Variants in YEATS2 observed in about 807,000 individuals in gnomAD.
YEATS2 encodes YEATS domain containing 2, also known as YEATS domain-containing protein 2.
YEATS2 carries 77 observed loss-of-function variants against 163.2 expected under a neutral mutation model. The observed-to-expected ratio is 0.47, with a 90% CI of 0.39 to 0.57. The LOEUF (loss-of-function observed/expected upper bound fraction) is 0.57, where lower values mean the gene tolerates loss of function less well. Ranked by LOEUF, YEATS2 falls within the 20% of genes least tolerant of loss-of-function variation. The pLI is 0.00. For missense variants in YEATS2, 1,549 were observed against 1,729.8 expected, an observed-to-expected ratio of 0.90 and a Z score of 1.85; for synonymous variants, 631 against 645.1, an observed-to-expected ratio of 0.98 and a Z score of 0.33.
At chr3:183,707,402 C>G (rs956391927) in intron 1 of YEATS2, among the ~76,000 whole-genome samples, 2 of 152,122 alleles carry the variant, frequency 1.3e-5, no homozygotes, top group African/African-American at 2.4e-5. Flanking sequence ...ATCAAGAGTT[C>G]ATTGAGTATA....
Position 183,751,952 on chromosome 3 carries a change from C to T in YEATS2, c.970-121C>T, listed in dbSNP as rs762355097. ...CCTTTAGTTCTTCAGATTGAAATTG[C>T]CTTTGAAGTGTGATTAGAAGTTATC... is the stretch of plus-strand genomic sequence containing the variant. On this transcript the variant is annotated intron_variant, in intron 9 of 30. Transcript: ENST00000305135. The T allele has an allele frequency of 5.7e-4, 607 of 1,071,194 alleles. 1 individual carries two copies. Among genetic ancestry groups the T allele is most frequent in the Non-Finnish European group, 7.8e-4 (568 of 726,624 alleles). The allele number at this position is 1,071,194 out of a possible 1,614,324, so 66.4% of individuals were successfully genotyped here.
chr3:183,804,888 C>T (rs928581373), intron 27 of YEATS2, among the ~76,000 whole-genome samples: 9 of 151,966 alleles, frequency 5.9e-5, no homozygotes, highest in African/African-American at 2.2e-4. Flanking sequence ...ACTTGGGAGG[C>T]TGAGGCAGGA....
chr3:183,781,590 A>T (rs1350083615), intron 19 of YEATS2, among the ~76,000 whole-genome samples: 2 of 152,154 alleles, frequency 1.3e-5, no homozygotes, highest in Non-Finnish European at 2.9e-5. Context: ...TGATATTAAA[A>T]CCTATGGAAA....
At chr3:183,730,776 A>G (rs1435298738) in intron 7 of YEATS2, among the ~76,000 whole-genome samples, 1 of 152,194 alleles carries the variant, frequency 6.6e-6, no homozygotes, top group East Asian at 1.9e-4. Flanking sequence ...CTTAACATCC[A>G]TATAGACAGT....
chr3:183,713,896 C>T lies in YEATS2; in HGVS notation c.-19-1248C>T, dbSNP rs568834452. ...TCTCGGCTCACTGCAACCGCTGCCTCCCGGGTTCAAGCAATTCTCCTGCCT... is the reference window on the plus strand; with the variant it reads ...TCTCGGCTCACTGCAACCGCTGCCTTCCGGGTTCAAGCAATTCTCCTGCCT... On this transcript the variant is annotated intron_variant, in intron 1 of 30. Coordinates refer to ENST00000305135, the MANE Select transcript of YEATS2 (RefSeq NM_018023.5). 2.2e-3 allele frequency among the ~76,000 whole-genome samples: 330 copies of T among 152,208 alleles called. 1 individual carries two copies. Among genetic ancestry groups the T allele is most frequent in the Admixed American group, 5.9e-3 (90 of 15,304 alleles).
chr3:183,793,239 A>ATGT, intron 21 of YEATS2: 1 of 1,219,016 alleles, frequency 8.2e-7, no homozygotes, highest in African/African-American at 1.6e-5. Context: ...GAGGCTGTGG[A>ATGT]TGTTGTTGTT....
chr3:183,716,665 CAAG>C (rs1422490615), intron 2 of YEATS2, among the ~76,000 whole-genome samples: 1 of 152,014 alleles, frequency 6.6e-6, no homozygotes, highest in Non-Finnish European at 1.5e-5. Context: ...AAAATAAAAA[CAAG>C]AACAGGGAAA....
Position 183,752,264 on chromosome 3 carries a change from A to T in YEATS2, c.1150+11A>T. The T allele has an allele frequency of 1.2e-6, 2 of 1,614,082 alleles. No individual in the cohort carries two copies. Among genetic ancestry groups the T allele is most frequent in the Non-Finnish European group, 1.7e-6 (2 of 1,179,962 alleles). On this transcript the variant is annotated intron_variant, in intron 10 of 30. Transcript: ENST00000305135. ...CCTCTGTGGAGAAAGGTAATACAGC[A>T]GTTTTCCTTGCATAGCGTTGTTCTG...
At chr3:183,724,856 G>A (rs969033965) in intron 6 of YEATS2, among the ~76,000 whole-genome samples, 22 of 152,090 alleles carry the variant, frequency 1.4e-4, no homozygotes, top group Admixed American at 1.4e-3. Context: ...CGATTCTCCT[G>A]CCTTAGCCTA....
intron 5 of YEATS2, 32 bp downstream of exon 5, chr3:183,722,168 A>G (rs754273108): frequency 1.1e-5 from 17 of 1,582,848 alleles, no homozygotes; most frequent in Non-Finnish European, 1.5e-5. Context: ...GGAGGGAGCC[A>G]CAGGAGAAGG....
rs953591878 is a variant in YEATS2 at position 183,724,370 on chromosome 3, T to C, written c.538-49T>C. 10 of 1,407,178 alleles carry C rather than the reference T, an allele frequency of 7.1e-6. No homozygotes were observed. The African/African-American group carries it at 1.2e-4, about 16-fold the overall frequency. The allele number at this position is 1,407,178 out of a possible 1,614,324, so 87.2% of individuals were successfully genotyped here. Reference sequence around the variant, plus strand: ...TTACAATTTTGTGGTTTCTGTCCTATTGAAAGTTGTTCAAAATGAGAATGG... The same window carrying C: ...TTACAATTTTGTGGTTTCTGTCCTACTGAAAGTTGTTCAAAATGAGAATGG... On this transcript the variant is annotated intron_variant, in intron 5 of 30. Transcript: ENST00000305135.
intron 8 of YEATS2, among the ~76,000 whole-genome samples, chr3:183,739,507 A>G (rs1404089056): frequency 3.4e-5 from 2 of 58,774 alleles, no homozygotes; most frequent in Non-Finnish European, 6.9e-5. Context: ...GGAAGAATCA[A>G]TATCGTGAAA....
In YEATS2 at chr3:183,721,961, G is replaced by A; in HGVS notation, c.362G>A (p.Arg121Lys). 2 of 1,614,112 alleles carry A rather than the reference G, an allele frequency of 1.2e-6. No individual in the cohort carries two copies. Among genetic ancestry groups the A allele is most frequent in the South Asian group, 1.1e-5 (1 of 91,088 alleles). Reference protein sequence around the residue: ...AIKKFLESPSRSSSPANQRAE... With the variant: ...AIKKFLESPSKSSSPANQRAE... Reference sequence around the variant, plus strand: ...AAGAAATTTTTGGAATCACCATCTAGGTCATCATCTCCTGCCAATCAGAGA... The same window carrying A: ...AAGAAATTTTTGGAATCACCATCTAAGTCATCATCTCCTGCCAATCAGAGA... Residue 121 changes from arginine (R) to lysine (K), a missense_variant, in exon 5 of 31, where the codon AGG becomes AAG. By Grantham distance (26) the Arg-to-Lys change is conservative (BLOSUM62 2). Transcript: ENST00000305135.
At chr3:183,803,928 G>C in intron 26 of YEATS2, 59 bp from the exon 27 acceptor site, 1 of 1,563,904 alleles carries the variant, frequency 6.4e-7, no homozygotes, top group African/African-American at 1.4e-5. Context: ...TGCATGATAC[G>C]TAGTTGTGTT....
At chr3:183,748,323 T>C (rs1719784503) in intron 9 of YEATS2, among the ~76,000 whole-genome samples, 1 of 150,090 alleles carries the variant, frequency 6.7e-6, no homozygotes, top group Non-Finnish European at 1.5e-5. Context: ...GGAGCAATCT[T>C]GGCTCACTGC....
chr3:183,784,733 A>G (rs1723892260), intron 19 of YEATS2, among the ~76,000 whole-genome samples: 1 of 151,888 alleles, frequency 6.6e-6, no homozygotes. Context: ...GAGTTGCAAC[A>G]GAGGTCCTAC....
intron 19 of YEATS2, among the ~76,000 whole-genome samples, chr3:183,783,072 C>T (rs1041917494): frequency 6.6e-5 from 10 of 152,128 alleles, no homozygotes; most frequent in African/African-American, 2.4e-4. Context: ...GCATAAAGCT[C>T]CAATGCAAAT....
In YEATS2 at chr3:183,806,840, T is replaced by G. The variant is rs761365423; in HGVS notation, c.3785-26T>G. ...CCTCTTCCGTTGGCCCCACAGCTGT[T>G]GTAACACTGCTTGCCTGTCATTTAG... is the stretch of plus-strand genomic sequence containing the variant. On this transcript the variant is annotated intron_variant, in intron 27 of 30. Transcript: ENST00000305135. 4 of 1,613,308 alleles carry G rather than the reference T, an allele frequency of 2.5e-6. No individual in the cohort carries two copies. In the South Asian group the frequency reaches 4.4e-5, roughly 18 times the overall value.
At chr3:183,705,573 CTT>C (rs921751619) in intron 1 of YEATS2, among the ~76,000 whole-genome samples, 3 of 151,848 alleles carry the variant, frequency 2.0e-5, no homozygotes, top group African/African-American at 7.3e-5. Flanking sequence ...TGCTTACTGT[CTT>C]TTTGTTTGCA....
Sources: gnomAD v4.1 joint callset for allele counts (sites outside exome capture counted in the v4.1 genomes callset) on GRCh38, gnomAD v4.1.1 for gene constraint, MANE v1.5 for transcripts, NCBI Gene and HGNC (gene_info 2026-07-23, HGNC 2026-07-21) for gene names.